The following HCFC1 variants were observed in gnomAD, a reference collection of about 807,000 sequenced individuals.
HCFC1 encodes host cell factor C1.
Under a neutral mutation model 105.5 loss-of-function variants are expected in HCFC1, and 7 were observed. The ratio of observed to expected loss-of-function variants is 0.07; its 90% CI spans 0.04 to 0.12. The LOEUF is 0.12. HCFC1 is among the 10% of genes least tolerant of loss of function. The pLI is 1.00. For missense variants in HCFC1, 1,065 were observed against 1,823.6 expected (o/e 0.58, Z 7.58); for synonymous variants, 918 against 828.1 (o/e 1.11, Z -1.86).
intron 6 of HCFC1, among the ~76,000 whole-genome samples, chrX:153,960,707 G>A (rs1310121792): frequency 8.9e-6 from 1 of 112,632 alleles, no homozygotes; most frequent in East Asian, 2.8e-4. Flanking sequence ...CAATGGGAAA[G>A]TGGTTTAGGG....
At chrX:153,962,488 A>C (rs1373684896) in intron 4 of HCFC1, among the ~76,000 whole-genome samples, 182 bp from the exon 5 acceptor site, 1 of 112,137 alleles carries the variant, frequency 8.9e-6, no homozygotes, top group Non-Finnish European at 1.9e-5. Context: ...TGTGTTACCC[A>C]GGCGGTTTCG....
chrX:153,971,185 C>T lies in HCFC1; in HGVS notation c.-345G>A, dbSNP rs377361075. On this transcript the variant is annotated 5_prime_UTR_variant, in exon 1 of 26. Coordinates refer to ENST00000310441, the MANE Select transcript of HCFC1 (RefSeq NM_005334.3). ...TGGGAGCCGCCATCTTGAGCCGCCT[C>T]TCTCTCCTCCCTTCCTCAGTCGTAG... 8 of 330,976 alleles carry T rather than the reference C, an allele frequency of 2.4e-5. No homozygotes were observed. The South Asian group carries it at 3.0e-4, about 12-fold the overall frequency. 27.3% of individuals were successfully genotyped at this position (330,976 alleles called of 1,213,427 possible).
chrX:153,957,957 C>G, intron 11 of HCFC1, 68 bp downstream of exon 11: 2 of 1,156,202 alleles, frequency 1.7e-6, no homozygotes, highest in Non-Finnish European at 1.2e-6. Flanking sequence ...TGAGACTCTC[C>G]TGGAGCTGGC....
intron 4 of HCFC1, among the ~76,000 whole-genome samples, 165 bp from the exon 5 acceptor site, chrX:153,962,471 A>T (rs967953216): frequency 1.8e-5 from 2 of 112,120 alleles, no homozygotes; most frequent in African/African-American, 6.5e-5. Flanking sequence ...CATGGTAGCT[A>T]GATTCCTGTG....
At position 153,952,957 on chromosome X, in the gene HCFC1, G is replaced by T. The variant is rs1277991321; in HGVS notation, c.4499C>A (p.Pro1500His). ...TGGCGACACCTGGAGTTCCTCTGGG[G>T]GCTGCAGGATGTCAACAGCAGAGAA... The part of the protein sequence containing the change: ...STPVPGPSVP[P>H]PEELQVSPGP... Residue 1500 changes from proline (P) to histidine (H), a missense_variant and splice_region_variant, in exon 19 of 26, where the codon CCC becomes CAC. Physicochemically the swap from Pro to His is moderately conservative, Grantham distance 77. Coordinates refer to ENST00000310441, the MANE Select transcript of HCFC1 (RefSeq NM_005334.3). 2.6e-6 allele frequency: 3 copies of T among 1,168,677 alleles called. No homozygotes were observed. In the East Asian group the frequency reaches 9.6e-5, roughly 37 times the overall value.
rs1358045460 is a variant in HCFC1, at chrX:153,971,334, G to A, written c.-494C>T. 1.3e-5 allele frequency: 4 copies of A among 297,432 alleles called. No homozygotes were observed. The highest frequency in any genetic ancestry group is 1.1e-4 in the African/African-American group (4 of 36,787). The allele number at this position is 297,432 out of a possible 1,213,427, so 24.5% of individuals were successfully genotyped here. A position where few individuals can be genotyped will look rare whatever the true frequency, so the allele number is the denominator to read the frequency against. On this transcript the variant is annotated 5_prime_UTR_variant, in exon 1 of 26. Coordinates refer to ENST00000310441, the MANE Select transcript of HCFC1 (RefSeq NM_005334.3). ...GCGCCGCGGTCGTCGCAGCCCCGCC[G>A]GCGCTCAGACCACAATTGTGGGAGC...
At chrX:153,956,123 CG>C in intron 16 of HCFC1, 67 bp downstream of exon 16, 1 of 1,004,415 alleles carries the variant, frequency 1.0e-6, no homozygotes, top group South Asian at 2.0e-5. Flanking sequence ...GGACGGACGG[CG>C]TGAGCCTCAC....
At chrX:153,951,510 C>T (rs782606178) in intron 21 of HCFC1, 23 bp from the exon 22 acceptor site, 26 of 1,209,034 alleles carry the variant, frequency 2.2e-5, no homozygotes, top group Non-Finnish European at 2.2e-6. Flanking sequence ...ATCGGTGCGA[C>T]GAGATCAGGC....
At chrX:153,952,240 G>C in intron 19 of HCFC1, 82 bp from the exon 20 acceptor site, 1 of 1,076,435 alleles carries the variant, frequency 9.3e-7, no homozygotes, top group South Asian at 2.4e-5. Flanking sequence ...CCCAAAGCCT[G>C]TCCTAGAGAC....
chrX:153,966,585 C>T (rs1341234594), intron 1 of HCFC1, among the ~76,000 whole-genome samples: 3 of 112,649 alleles, frequency 2.7e-5, no homozygotes, highest in Non-Finnish European at 5.6e-5. Context: ...GGAGGGAGCT[C>T]CATGCAAGCT....
At chrX:153,968,206 TG>T (rs1557118880) in intron 1 of HCFC1, among the ~76,000 whole-genome samples, 3 of 111,261 alleles carry the variant, frequency 2.7e-5, no homozygotes, top group Non-Finnish European at 5.7e-5. Flanking sequence ...GCTTGCCACA[TG>T]GAACTAAAAT....
rs368273231 is a variant in HCFC1, at chrX:153,970,652, G to A, written c.189C>T (p.Asn63=). ...EGIVDELHVY[N]TATNQWFIPA... Reference sequence around the variant, plus strand: ...CCCAGCGGGCTTTGCACTCACCCGTGTTGTACACGTGCAGTTCGTCCACTA... The same window carrying A: ...CCCAGCGGGCTTTGCACTCACCCGTATTGTACACGTGCAGTTCGTCCACTA... The change falls in exon 1 of 26, where the codon AAC becomes AAT. Residue 63 remains asparagine (N), a synonymous_variant. Transcript: ENST00000310441. The A allele has an allele frequency of 4.5e-5, 54 of 1,202,303 alleles. No individual in the cohort carries two copies. The highest frequency in any genetic ancestry group is 5.4e-5 in the Non-Finnish European group (48 of 890,663).
intron 1 of HCFC1, among the ~76,000 whole-genome samples, chrX:153,966,086 T>C (rs1250365234): frequency 8.9e-6 from 1 of 111,910 alleles, no homozygotes; most frequent in Non-Finnish European, 1.9e-5. Context: ...GGCATACACT[T>C]GTGGTCCTAG....
intron 1 of HCFC1, among the ~76,000 whole-genome samples, chrX:153,966,461 C>T (rs2065474510): frequency 8.9e-6 from 1 of 112,570 alleles, no homozygotes; most frequent in Admixed American, 9.4e-5. Flanking sequence ...TGTGCAAGCT[C>T]GGATCCTGGC....
rs1557111369 is a variant in HCFC1, at chrX:153,947,923, G to C, written c.*1424C>G. The stretch of plus-strand genomic sequence containing the variant: ...TTGCTCCTCGACAGAAGTTTGGGGT[G>C]GGGGGCAGAAAACTCCAAGCAGATC... On this transcript the variant is annotated 3_prime_UTR_variant, in exon 26 of 26. Transcript: ENST00000310441. 1 of 111,418 alleles carries C rather than the reference G, an allele frequency of 9.0e-6. No individual in the cohort carries two copies. The highest frequency in any genetic ancestry group is 3.3e-5 in the African/African-American group (1 of 30,583). The allele number at this position is 111,418 out of a possible 1,213,427, so 9.2% of individuals were successfully genotyped here. A position where few individuals can be genotyped will look rare whatever the true frequency, so the allele number is the denominator to read the frequency against.
Position 153,956,356 on chromosome X carries a change from C to T in HCFC1, c.2691G>A (p.Ala897=), listed in dbSNP as rs374223163. The T allele has an allele frequency of 4.5e-5, 55 of 1,210,831 alleles. No homozygotes were observed. The highest frequency in any genetic ancestry group is 2.3e-4 in the Middle Eastern group (1 of 4,368). Residue 897 remains alanine (A), a synonymous_variant, in exon 16 of 26, where the codon GCG becomes GCA. Transcript: ENST00000310441. ...GGGAAGCACTAGTGCTGTGGCCCCC[C>T]GCCCCGGCAAGGCTGGTGGAGACGG... ...TGTVSTSLAG[A]GGHSTSASLA...
chrX:153,956,055 G>A (rs2065373076), intron 16 of HCFC1, 136 bp downstream of exon 16: 1 of 560,948 alleles, frequency 1.8e-6, no homozygotes, highest in African/African-American at 2.3e-5. Context: ...CCCAGGTGAG[G>A]AAAGGCCTGC....
Position 153,949,117 on chromosome X carries a change from C to T in HCFC1, c.*230G>A. The T allele has an allele frequency of 2.9e-6, 1 of 346,179 alleles. No individual in the cohort carries two copies. Among genetic ancestry groups the T allele is most frequent in the East Asian group, 4.8e-5 (1 of 21,032 alleles). 28.5% of individuals were successfully genotyped at this position (346,179 alleles called of 1,213,427 possible). ...GGCAGCGGGGAGGAAAGGAAGCGCGCTCCTCTCTCTGCTTTCCCATCTGCC... is the reference window on the plus strand; with the variant it reads ...GGCAGCGGGGAGGAAAGGAAGCGCGTTCCTCTCTCTGCTTTCCCATCTGCC... On this transcript the variant is annotated 3_prime_UTR_variant, in exon 26 of 26. Coordinates refer to ENST00000310441, the MANE Select transcript of HCFC1 (RefSeq NM_005334.3).
At position 153,955,021 on chromosome X, in the gene HCFC1, G is replaced by A; in HGVS notation, c.3378C>T (p.Ser1126=). 2 of 1,210,124 alleles carry A rather than the reference G, an allele frequency of 1.7e-6. No homozygotes were observed. The highest frequency in any genetic ancestry group is 2.2e-6 in the Non-Finnish European group (2 of 894,780). ...CATCTCGCTGGTGGTTGGCGCCGAC[G>A]CTCGACATGGCTGTAGTGGCAGTGT... ...TTNTATTAMS[S]VGANHQRDAR... is the part of the protein sequence containing the mutation. Residue 1126 remains serine (S), a synonymous_variant, in exon 17 of 26, where the codon AGC becomes AGT. Coordinates refer to ENST00000310441, the MANE Select transcript of HCFC1 (RefSeq NM_005334.3).
Sources: allele counts gnomAD v4.1 joint callset (sites outside exome capture counted in the v4.1 genomes callset), GRCh38; gene constraint gnomAD v4.1.1; transcripts MANE v1.5; gene names NCBI Gene and HGNC (gene_info 2026-07-23, HGNC 2026-07-21).